Variants in GPC5 observed in about 807,000 individuals in gnomAD.
GPC5 encodes glypican 5.
Under a neutral mutation model 53.9 loss-of-function variants are expected in GPC5, and 47 were observed. That is an observed-to-expected ratio of 0.87 (90% CI 0.69 to 1.11). The LOEUF is 1.11. Ranked by LOEUF, GPC5 falls within the 50% of genes most tolerant of loss-of-function variation. The pLI, the probability that GPC5 is intolerant of heterozygous loss-of-function variation, is 0.00. For synonymous variants in GPC5, 286 were observed against 263.3 expected, an observed-to-expected ratio of 1.09 and a Z score of -0.84; for missense variants, 748 against 713.1, an observed-to-expected ratio of 1.05 and a Z score of -0.56.
At chr13:91,521,353 C>G (rs1885806139) in intron 2 of GPC5, among the ~76,000 whole-genome samples, 1 of 152,172 alleles carries the variant, frequency 6.6e-6, no homozygotes, top group African/African-American at 2.4e-5. Flanking sequence ...GAAGCTGAAG[C>G]ATCTTCTGGA....
chr13:91,780,156 A>ATTC (rs1337884436), intron 5 of GPC5, among the ~76,000 whole-genome samples: 1 of 152,192 alleles, frequency 6.6e-6, no homozygotes, highest in East Asian at 1.9e-4. Context: ...GCTGTATTGT[A>ATTC]ATCTTACGGG....
intron 2 of GPC5, among the ~76,000 whole-genome samples, chr13:91,597,649 T>A (rs1308560139): frequency 6.6e-6 from 1 of 152,208 alleles, no homozygotes; most frequent in Admixed American, 6.5e-5. Flanking sequence ...AATTTATTTT[T>A]GTTAGGTACA....
At chr13:92,177,426 G>A (rs1439413195) in intron 7 of GPC5, among the ~76,000 whole-genome samples, 10 of 152,268 alleles carry the variant, frequency 6.6e-5, no homozygotes, top group Admixed American at 6.5e-4. Flanking sequence ...TTGATGGAAA[G>A]TTGATCTTTC....
chr13:91,992,322 C>T (rs2138736871), intron 6 of GPC5, among the ~76,000 whole-genome samples: 1 of 152,284 alleles, frequency 6.6e-6, no homozygotes, highest in African/African-American at 2.4e-5. Context: ...TGCAAGCCAC[C>T]ATGCTGGGTC....
chr13:92,371,316 T>G (rs867250398), intron 7 of GPC5, among the ~76,000 whole-genome samples: 28 of 152,234 alleles, frequency 1.8e-4, no homozygotes, highest in African/African-American at 5.1e-4. Flanking sequence ...CTGCTGTTAT[T>G]TCTGTGTATG....
intron 7 of GPC5, among the ~76,000 whole-genome samples, chr13:92,245,314 C>T (rs1312317529): frequency 6.6e-6 from 1 of 152,136 alleles, no homozygotes; most frequent in Non-Finnish European, 1.5e-5. Context: ...GTAGCTTCCG[C>T]ATCCTATCCC....
rs79929708 is a variant in GPC5 at position 92,502,620 on chromosome 13, C to T, written c.1561+357631C>T. 9.3e-3 allele frequency among the ~76,000 whole-genome samples: 1,411 copies of T among 152,044 alleles called. 25 individuals carry two copies. The highest frequency in any genetic ancestry group is 0.032 in the African/African-American group (1,312 of 41,516). On this transcript the variant is annotated intron_variant, in intron 7 of 7. Coordinates refer to ENST00000377067, the MANE Select transcript of GPC5 (RefSeq NM_004466.6). ...TGGGCTTAAGGAACAAGACCAGAGA[C>T]GAAGAGGGACATTATATTTAAAGCA...
At chr13:91,865,152 G>T (rs1222832943) in intron 5 of GPC5, among the ~76,000 whole-genome samples, 2 of 152,000 alleles carry the variant, frequency 1.3e-5, no homozygotes, top group Non-Finnish European at 2.9e-5. Flanking sequence ...CTCGTGGTCT[G>T]CCTGCCTTGG....
intron 7 of GPC5, among the ~76,000 whole-genome samples, chr13:92,406,497 G>A (rs1297212246): frequency 2.0e-5 from 3 of 152,140 alleles, no homozygotes; most frequent in East Asian, 3.8e-4. Context: ...AAAAGACACC[G>A]AGTCTCAGTT....
intron 7 of GPC5, among the ~76,000 whole-genome samples, chr13:92,378,784 A>C (rs2043715191): frequency 6.6e-6 from 1 of 152,174 alleles, no homozygotes; most frequent in East Asian, 1.9e-4. Context: ...AAGCACTGGG[A>C]TATTTTTTCC....
At chr13:92,089,313 A>T (rs1208136880) in intron 6 of GPC5, among the ~76,000 whole-genome samples, 1 of 152,044 alleles carries the variant, frequency 6.6e-6, no homozygotes, top group Non-Finnish European at 1.5e-5. Flanking sequence ...GGGCGGCTGT[A>T]GTCCCAGCTA....
intron 5 of GPC5, among the ~76,000 whole-genome samples, chr13:91,831,045 A>C (rs2038651453): frequency 7.2e-6 from 1 of 138,384 alleles, no homozygotes; most frequent in Non-Finnish European, 1.5e-5. Flanking sequence ...TATATATATT[A>C]TATATATCCT....
Position 91,693,548 on chromosome 13 carries a change from C to T in GPC5, c.687C>T (p.Leu229=), listed in dbSNP as rs144029884. Residue 229 remains leucine (L), a synonymous_variant, in exon 3 of 8, where the codon CTC becomes CTT. Transcript: ENST00000377067. ...LLPSRTFLQA[L]NLGIEVINTT... ...CCAGCCGCACTTTTCTGCAGGCACT[C>T]AATCTGGGCATTGAAGTCATCAACA... is the stretch of plus-strand genomic sequence containing the variant. 1.2e-6 allele frequency: 2 copies of T among 1,613,954 alleles called. No homozygotes were observed. Among genetic ancestry groups the T allele is most frequent in the African/African-American group, 2.7e-5 (2 of 74,898 alleles).
chr13:92,518,827 G>A (rs1880904634), intron 7 of GPC5, among the ~76,000 whole-genome samples: 1 of 152,124 alleles, frequency 6.6e-6, no homozygotes, highest in Admixed American at 6.5e-5. Context: ...AAAAGACATA[G>A]ACTGGCAAAT....
intron 5 of GPC5, among the ~76,000 whole-genome samples, chr13:91,867,638 A>T (rs946520494): frequency 2.0e-5 from 3 of 152,232 alleles, no homozygotes; most frequent in African/African-American, 7.2e-5. Context: ...TGATTTAATC[A>T]AATGTTAAAT....
intron 5 of GPC5, among the ~76,000 whole-genome samples, chr13:91,826,420 C>A (rs1164526814): frequency 6.6e-6 from 1 of 151,920 alleles, no homozygotes; most frequent in Non-Finnish European, 1.5e-5. Flanking sequence ...ATCATAAAAT[C>A]ATAAGTTGAG....
intron 6 of GPC5, among the ~76,000 whole-genome samples, chr13:92,070,240 C>A (rs1183954108): frequency 6.6e-6 from 1 of 152,168 alleles, no homozygotes; most frequent in Admixed American, 6.5e-5. Context: ...CTAAGTGTGG[C>A]TAACAATCTG....
Position 92,238,130 on chromosome 13 carries a change from T to A in GPC5, c.1561+93141T>A, listed in dbSNP as rs144861767. On this transcript the variant is annotated intron_variant, in intron 7 of 7. Coordinates refer to ENST00000377067, the MANE Select transcript of GPC5 (RefSeq NM_004466.6). ...TTATAAAAACGCTCCTATGAATATT[T>A]ATGTACATATTTTTGTGTAGACATG... Among the ~76,000 whole-genome samples, 466 of 152,184 alleles carry A rather than the reference T, an allele frequency of 3.1e-3. 1 individual carries two copies. Among genetic ancestry groups the A allele is most frequent in the African/African-American group, 0.011 (446 of 41,568 alleles).
At position 91,448,828 on chromosome 13, in the gene GPC5, T is replaced by A. The variant is rs1379612552; in HGVS notation, c.231T>A (p.Tyr77Ter). Residue 77 changes from tyrosine (Y) to a stop codon, truncating the protein, a stop_gained, in exon 2 of 8, where the codon TAT (tyrosine) becomes TAA (stop). Coordinates refer to ENST00000377067, the MANE Select transcript of GPC5 (RefSeq NM_004466.6). LOFTEE classifies it high-confidence loss of function. ...GCACCAGGAAGATGGAGGAGAGATA[T>A]CAGATTGCGGCTCGCCAGGATATGC... Reference protein sequence around the residue: ...TCCTRKMEERYQIAARQDMQQ... With the variant: ...TCCTRKMEER The A allele has an allele frequency of 6.2e-7, 1 of 1,613,670 alleles. No homozygotes were observed. Among genetic ancestry groups the A allele is most frequent in the African/African-American group, 1.3e-5 (1 of 74,896 alleles).
Sources: allele counts gnomAD v4.1 joint callset (sites outside exome capture counted in the v4.1 genomes callset), GRCh38; gene constraint gnomAD v4.1.1; transcripts MANE v1.5; gene names NCBI Gene and HGNC (gene_info 2026-07-23, HGNC 2026-07-21).